COX7B2: variants seen among roughly 807,000 people sequenced by gnomAD.
COX7B2 encodes the protein cytochrome c oxidase subunit 7B2, mitochondrial.
For synonymous variants in COX7B2, 37 were observed against 32.1 expected (o/e 1.15, Z -0.51); for missense variants, 109 against 95.9 (o/e 1.14, Z -0.57).
chr4:46,744,436 T>C (rs1404660637), intron 2 of COX7B2, among the ~76,000 whole-genome samples: 1 of 152,134 alleles, frequency 6.6e-6, no homozygotes, highest in Non-Finnish European at 1.5e-5. Flanking sequence ...TCTGCTATAA[T>C]CGTTGTCTCA....
chr4:46,807,314 G>C (rs1327375707), intron 2 of COX7B2, among the ~76,000 whole-genome samples: 1 of 151,788 alleles, frequency 6.6e-6, no homozygotes, highest in Admixed American at 6.6e-5. Context: ...GTCTTCTTTG[G>C]AGAAGTGTCT....
Position 46,735,189 on chromosome 4 carries a change from T to G in COX7B2, c.4A>C (p.Met2Leu). ...AGTGCATTTCTGGCCAAGGGAAACA[T>G]CATGAAGGATTGCAGTTGCCTTCAG... M[M>L]FPLARNALSS... Residue 2 changes from methionine (M) to leucine (L), a missense_variant, in exon 3 of 3, where the codon ATG (methionine) becomes CTG (leucine). Transcript: ENST00000355591. 1.1e-5 allele frequency: 18 copies of G among 1,613,006 alleles called. No individual in the cohort carries two copies. Among genetic ancestry groups the G allele is most frequent in the Non-Finnish European group, 1.5e-5 (18 of 1,179,730 alleles).
chr4:46,790,858 G>A (rs1410730778), intron 2 of COX7B2, among the ~76,000 whole-genome samples: 2 of 152,076 alleles, frequency 1.3e-5, no homozygotes, highest in African/African-American at 4.8e-5. Context: ...TCAAACCCTA[G>A]GTTTATTACC....
At chr4:46,772,745 T>C (rs1328771993) in intron 2 of COX7B2, among the ~76,000 whole-genome samples, 1 of 152,082 alleles carries the variant, frequency 6.6e-6, no homozygotes, top group Non-Finnish European at 1.5e-5. Flanking sequence ...TTATGCAGGA[T>C]TGTTTTGGTT....
rs1342892972 is a variant in COX7B2 at position 46,770,169 on chromosome 4, G to A, written c.-49-34928C>T. Among the ~76,000 whole-genome samples the A allele has an allele frequency of 6.6e-5, 10 of 152,020 alleles. 1 individual carries two copies. Among genetic ancestry groups the A allele is most frequent in the Admixed American group, 6.6e-4 (10 of 15,250 alleles). On this transcript the variant is annotated intron_variant, in intron 2 of 2. Coordinates refer to ENST00000355591, the MANE Select transcript of COX7B2 (RefSeq NM_130902.3). Reference sequence around the variant, plus strand: ...AGTTTCAGGATAAAAAAATCAACCTGCAAAAATCAGTTGTGTTTCTATACA... The same window carrying A: ...AGTTTCAGGATAAAAAAATCAACCTACAAAAATCAGTTGTGTTTCTATACA...
intron 2 of COX7B2, among the ~76,000 whole-genome samples, chr4:46,768,928 A>AACT (rs1716708287): frequency 6.6e-6 from 1 of 152,068 alleles, no homozygotes. Flanking sequence ...AACTATAAAT[A>AACT]ACTACACAAC....
chr4:46,861,593 T>C (rs114920777), intron 1 of COX7B2, among the ~76,000 whole-genome samples: 157 of 152,304 alleles, frequency 1.0e-3, no homozygotes, highest in African/African-American at 3.6e-3. Context: ...AAACAAAATA[T>C]TTGGCCTAGA....
At chr4:46,803,794 T>C (rs1210156990) in intron 2 of COX7B2, among the ~76,000 whole-genome samples, 2 of 150,962 alleles carry the variant, frequency 1.3e-5, no homozygotes, top group African/African-American at 4.9e-5. Flanking sequence ...GACAGACAAG[T>C]ATTTAATGCA....
intron 2 of COX7B2, among the ~76,000 whole-genome samples, chr4:46,834,541 A>G (rs1323257184): frequency 6.6e-6 from 1 of 152,166 alleles, no homozygotes; most frequent in East Asian, 1.9e-4. Flanking sequence ...AAAAGACATT[A>G]GGGCAACTAA....
chr4:46,741,957 C>T (rs1714743328), intron 2 of COX7B2, among the ~76,000 whole-genome samples: 2 of 152,118 alleles, frequency 1.3e-5, no homozygotes, highest in South Asian at 4.1e-4. Flanking sequence ...CTATCCAGCT[C>T]TAACACTCTG....
intron 2 of COX7B2, among the ~76,000 whole-genome samples, chr4:46,837,435 A>T (rs1715592811): frequency 6.6e-6 from 1 of 152,088 alleles, no homozygotes; most frequent in African/African-American, 2.4e-5. Flanking sequence ...ATAGTGTATG[A>T]TTCTACTTAT....
intron 2 of COX7B2, among the ~76,000 whole-genome samples, chr4:46,820,680 G>T (rs1236371520): frequency 1.3e-5 from 2 of 151,824 alleles, no homozygotes; most frequent in African/African-American, 4.8e-5. Flanking sequence ...AATTAGCTGG[G>T]CATGGTAGCA....
At chr4:46,890,022 A>T (rs966850620) in intron 1 of COX7B2, among the ~76,000 whole-genome samples, 7 of 152,134 alleles carry the variant, frequency 4.6e-5, no homozygotes, top group African/African-American at 1.7e-4. Flanking sequence ...TAAGAAACTC[A>T]TCTGAGCATT....
chr4:46,787,722 C>T (rs1233611606), intron 2 of COX7B2, among the ~76,000 whole-genome samples: 1 of 152,182 alleles, frequency 6.6e-6, no homozygotes, highest in Admixed American at 6.5e-5. Context: ...ACCTAGGCAC[C>T]TGCTCAGCAA....
intron 1 of COX7B2, among the ~76,000 whole-genome samples, chr4:46,880,853 G>A (rs1173406057): frequency 7.3e-6 from 1 of 136,078 alleles, no homozygotes; most frequent in African/African-American, 2.7e-5. Context: ...TGGGGTTGGG[G>A]GAGGGGGGAG....
chr4:46,791,697 C>T (rs976405294), intron 2 of COX7B2, among the ~76,000 whole-genome samples: 8 of 152,170 alleles, frequency 5.3e-5, no homozygotes, highest in Non-Finnish European at 7.3e-5. Flanking sequence ...AACACTAGCC[C>T]AGTGTAAAAA....
chr4:46,903,478 A>C (rs1720189158), intron 1 of COX7B2, among the ~76,000 whole-genome samples: 1 of 151,970 alleles, frequency 6.6e-6, no homozygotes, highest in Admixed American at 6.6e-5. Context: ...TTTTTAAATA[A>C]ATTCAGTGTA....
chr4:46,881,529 G>A (rs991622957), intron 1 of COX7B2, among the ~76,000 whole-genome samples: 1 of 152,068 alleles, frequency 6.6e-6, no homozygotes, highest in Non-Finnish European at 1.5e-5. Flanking sequence ...GTGGGAGGCC[G>A]ACGTGGGTGG....
chr4:46,773,822 TTAGTC>T (rs140128411), intron 2 of COX7B2, among the ~76,000 whole-genome samples: 1,672 of 152,244 alleles, frequency 0.011, 20 homozygotes, highest in Middle Eastern at 0.041. Flanking sequence ...GGGGCTATCT[TTAGTC>T]TATAGACTGC....
Sources: gnomAD v4.1 joint callset for allele counts (sites outside exome capture counted in the v4.1 genomes callset) on GRCh38, gnomAD v4.1.1 for gene constraint, MANE v1.5 for transcripts, NCBI Gene and HGNC (gene_info 2026-07-23, HGNC 2026-07-21) for gene names.